Variants in CADM2 observed in about 807,000 individuals in gnomAD.
The protein encoded by CADM2 is cell adhesion molecule 2.
CADM2 carries 12 observed loss-of-function variants against 49.8 expected under a neutral mutation model. The observed-to-expected ratio is 0.24, with a 90% CI of 0.15 to 0.39. The LOEUF (loss-of-function observed/expected upper bound fraction) is 0.39, where lower values mean the gene tolerates loss of function less well. Ranked by LOEUF, CADM2 falls within the 10% of genes least tolerant of loss-of-function variation. The probability of loss-of-function intolerance (pLI) is 1.00; values close to 1 mark genes in which losing one functional copy is unlikely to be tolerated. For synonymous variants in CADM2, 214 were observed against 175.4 expected (o/e 1.22, Z -1.74); for missense variants, 378 against 492.3 (o/e 0.77, Z 2.20).
chr3:85,855,132 C>T (rs2075258254), intron 3 of CADM2, among the ~76,000 whole-genome samples: 1 of 152,090 alleles, frequency 6.6e-6, no homozygotes, highest in African/African-American at 2.4e-5. Context: ...TCCAGAACTA[C>T]ACAGTTTTGT....
At chr3:84,986,609 G>T (rs937609495) in intron 1 of CADM2, among the ~76,000 whole-genome samples, 1 of 151,834 alleles carries the variant, frequency 6.6e-6, no homozygotes, top group African/African-American at 2.4e-5. Flanking sequence ...GTTGTGGGGT[G>T]GGGGGAGCGG....
At chr3:85,329,521 G>A (rs2044854504) in intron 1 of CADM2, among the ~76,000 whole-genome samples, 1 of 151,996 alleles carries the variant, frequency 6.6e-6, no homozygotes, top group Non-Finnish European at 1.5e-5. Flanking sequence ...AGTGAGCCGA[G>A]ATTGCACGGA....
chr3:85,089,314 T>A (rs2037505259), intron 1 of CADM2, among the ~76,000 whole-genome samples: 1 of 152,084 alleles, frequency 6.6e-6, no homozygotes. Flanking sequence ...TCAAGACCAG[T>A]CTTGATTCCC....
chr3:85,187,446 G>GT (rs960987974), intron 1 of CADM2, among the ~76,000 whole-genome samples: 25 of 151,770 alleles, frequency 1.6e-4, no homozygotes, highest in South Asian at 2.1e-4. Context: ...CTCCTCATAA[G>GT]TTTTTTTTAA....
chr3:85,114,445 G>C (rs1052207334), intron 1 of CADM2, among the ~76,000 whole-genome samples: 1 of 152,216 alleles, frequency 6.6e-6, no homozygotes, highest in South Asian at 2.1e-4. Context: ...AGAAAAATTA[G>C]GTTTTGGTTG....
At chr3:85,087,079 A>T (rs2037409518) in intron 1 of CADM2, among the ~76,000 whole-genome samples, 1 of 152,168 alleles carries the variant, frequency 6.6e-6, no homozygotes, top group Non-Finnish European at 1.5e-5. Flanking sequence ...ATTCTAGAGC[A>T]GTTTCTTGAG....
intron 1 of CADM2, among the ~76,000 whole-genome samples, chr3:85,406,714 T>C (rs891069934): frequency 6.6e-6 from 1 of 152,136 alleles, no homozygotes; most frequent in Non-Finnish European, 1.5e-5. Context: ...ACCTCTTTGT[T>C]TTTCATACTC....
At chr3:85,848,079 A>G (rs1165163837) in intron 3 of CADM2, among the ~76,000 whole-genome samples, 1 of 152,010 alleles carries the variant, frequency 6.6e-6, no homozygotes, top group East Asian at 1.9e-4. Context: ...ATTAATGTTG[A>G]TTGTTTCTCT....
intron 6 of CADM2, among the ~76,000 whole-genome samples, chr3:85,934,507 A>G (rs1452558780): frequency 6.6e-6 from 1 of 152,012 alleles, no homozygotes; most frequent in Non-Finnish European, 1.5e-5. Context: ...TTACACCACA[A>G]GTATTTACTG....
chr3:84,982,203 T>C (rs2107139436), intron 1 of CADM2, among the ~76,000 whole-genome samples: 1 of 152,322 alleles, frequency 6.6e-6, no homozygotes, highest in African/African-American at 2.4e-5. Context: ...TAATTCTTTT[T>C]ACGGTTCATC....
chr3:85,831,047 G>A (rs977799635), intron 3 of CADM2, among the ~76,000 whole-genome samples: 10 of 151,676 alleles, frequency 6.6e-5, no homozygotes, highest in Non-Finnish European at 1.2e-4. Flanking sequence ...ATGTTCATGC[G>A]TACTCAGTGT....
chr3:85,501,621 C>G (rs1192341496), intron 1 of CADM2, among the ~76,000 whole-genome samples: 1 of 151,928 alleles, frequency 6.6e-6, no homozygotes, highest in Non-Finnish European at 1.5e-5. Context: ...AAGAGAATAA[C>G]AATATATTTA....
chr3:85,568,485 T>TTCTCTTTCTCTCTC (rs1559916170), intron 1 of CADM2, among the ~76,000 whole-genome samples: 2 of 56,196 alleles, frequency 3.6e-5, no homozygotes, highest in African/African-American at 9.1e-5. Context: ...CTTTCTTTCT[T>TTCTCTTTCTCTCTC]TCTTTCTTTC....
chr3:85,220,152 C>T (rs552249315), intron 1 of CADM2, among the ~76,000 whole-genome samples: 1 of 151,986 alleles, frequency 6.6e-6, no homozygotes, highest in African/African-American at 2.4e-5. Flanking sequence ...GGTTTTCCAA[C>T]AAAATACTAG....
chr3:85,637,573 C>A (rs2064542123), intron 1 of CADM2, among the ~76,000 whole-genome samples: 1 of 134,186 alleles, frequency 7.5e-6, no homozygotes, highest in Admixed American at 7.7e-5. Context: ...CTGCAGTCCG[C>A]AGTCCGGCCT....
At chr3:85,190,037 A>C (rs1489990431) in intron 1 of CADM2, among the ~76,000 whole-genome samples, 4 of 141,850 alleles carry the variant, frequency 2.8e-5, no homozygotes, top group Non-Finnish European at 6.0e-5. Flanking sequence ...TGAGACAGAC[A>C]CCCAGTGAGG....
chr3:85,507,552 A>C (rs1173635287), intron 1 of CADM2, among the ~76,000 whole-genome samples: 2 of 152,178 alleles, frequency 1.3e-5, no homozygotes, highest in African/African-American at 4.8e-5. Context: ...ATATCCAAAC[A>C]TTATTTGAAA....
chr3:85,482,401 T>TAA (rs1029173330), intron 1 of CADM2, among the ~76,000 whole-genome samples: 37 of 151,928 alleles, frequency 2.4e-4, no homozygotes, highest in Middle Eastern at 6.8e-3. Flanking sequence ...AATAATGAAA[T>TAA]AATTAAAGCC....
chr3:85,708,520 T>G (rs1407094787), intron 1 of CADM2, among the ~76,000 whole-genome samples: 2 of 152,140 alleles, frequency 1.3e-5, no homozygotes, highest in Admixed American at 1.3e-4. Context: ...ATATACACAC[T>G]CACCAGCAGG....
Sources: allele counts gnomAD v4.1 joint callset (sites outside exome capture counted in the v4.1 genomes callset), GRCh38; gene constraint gnomAD v4.1.1; transcripts MANE v1.5; gene names NCBI Gene and HGNC (gene_info 2026-07-23, HGNC 2026-07-21).